The following DNAH9 variants were observed in gnomAD, a reference collection of about 807,000 sequenced individuals.
DNAH9 encodes the protein DNAH9 variant protein.
In DNAH9, 345 loss-of-function variants were observed where a neutral mutation model predicts 471.6. The observed-to-expected ratio is 0.73, with a 90% confidence interval of 0.67 to 0.80. DNAH9 has a LOEUF of 0.80. Ranked by LOEUF, DNAH9 falls within the 30% of genes least tolerant of loss-of-function variation. The pLI is 0.00. For missense variants in DNAH9, 5,407 were observed against 5,609.2 expected (o/e 0.96, Z 1.15); for synonymous variants, 2,093 against 2,123.6 (o/e 0.99, Z 0.40).
Position 11,937,649 on chromosome 17 carries a change from C to A in DNAH9, c.12660+127C>A. ...CAACACACAAAGCACCAACCACCTG[C>A]AGCCTGGAGATGCTTGCCTGTCACC... On this transcript the variant is annotated intron_variant, in intron 66 of 68. Coordinates refer to ENST00000262442, the MANE Select transcript of DNAH9 (RefSeq NM_001372.4). The surrounding 1 kb of genome is among the most constrained non-coding windows in gnomAD (Gnocchi z 4.1). 1 of 1,043,712 alleles carries A rather than the reference C, an allele frequency of 9.6e-7. No individual in the cohort carries two copies. The highest frequency in any genetic ancestry group is 1.3e-6 in the Non-Finnish European group (1 of 769,920). 64.7% of individuals were successfully genotyped at this position (1,043,712 alleles called of 1,614,324 possible).
chr17:11,823,030 C>T lies in DNAH9; in HGVS notation c.9242C>T (p.Ala3081Val). 1 of 1,611,324 alleles carries T rather than the reference C, an allele frequency of 6.2e-7. No homozygotes were observed. The highest frequency in any genetic ancestry group is 1.3e-5 in the African/African-American group (1 of 75,026). The change falls in exon 48 of 69, where the codon GCC (alanine) becomes GTC (valine). Residue 3081 changes from alanine (A) to valine (V), a missense_variant. Ala to Val is a moderately conservative substitution (Grantham distance 64). Transcript: ENST00000262442. The part of the protein sequence containing the change: ...NGLLKLHSTS[A>V]QVDDLKAKLA... ...CTGCTGAAGCTGCATAGCACCTCTG[C>T]CCAGGTGAGCAATGTCCCGCTCCTT... is the stretch of plus-strand genomic sequence containing the variant.
In DNAH9 at chr17:11,937,246, G is replaced by A; in HGVS notation, c.12490-106G>A. The A allele has an allele frequency of 2.2e-6, 3 of 1,365,244 alleles. No homozygotes were observed. The highest frequency in any genetic ancestry group is 3.0e-6 in the Non-Finnish European group (3 of 1,005,004). The allele number at this position is 1,365,244 out of a possible 1,614,324, so 84.6% of individuals were successfully genotyped here. On this transcript the variant is annotated intron_variant, in intron 65 of 68. Coordinates refer to ENST00000262442, the MANE Select transcript of DNAH9 (RefSeq NM_001372.4). This position sits in a 1 kb window ranked among gnomAD's most constrained non-coding sequence, Gnocchi z 4.1. ...CCAGGGATGGTGAGCAGTGTCCCCT[G>A]GAGGAGGGATACTAGCCCATGGACT... is the stretch of plus-strand genomic sequence containing the variant.
intron 8 of DNAH9, among the ~76,000 whole-genome samples, chr17:11,636,195 G>A (rs1251962240): frequency 1.3e-5 from 2 of 151,922 alleles, no homozygotes; most frequent in Non-Finnish European, 2.9e-5. Context: ...TAGTAGAGAC[G>A]GGGTTTCACC....
At chr17:11,886,410 G>T (rs1301945186) in intron 56 of DNAH9, among the ~76,000 whole-genome samples, 1 of 151,456 alleles carries the variant, frequency 6.6e-6, no homozygotes, top group African/African-American at 2.4e-5. Flanking sequence ...AATTACATAT[G>T]AACTATTTCA....
At chr17:11,675,266 T>G (rs2074031820) in intron 17 of DNAH9, among the ~76,000 whole-genome samples, 1 of 152,208 alleles carries the variant, frequency 6.6e-6, no homozygotes, top group African/African-American at 2.4e-5. Flanking sequence ...GAAATTGAAT[T>G]GATTTTGTAC....
chr17:11,836,479 G>A (rs1434183700), intron 49 of DNAH9, among the ~76,000 whole-genome samples: 6 of 152,156 alleles, frequency 3.9e-5, no homozygotes, highest in African/African-American at 1.2e-4. Flanking sequence ...AAAAACACAA[G>A]ATTTTTCCAT....
At chr17:11,854,577 A>C (rs1971556444) in intron 50 of DNAH9, 149 bp downstream of exon 50, 1 of 967,362 alleles carries the variant, frequency 1.0e-6, no homozygotes, top group Non-Finnish European at 1.5e-6. Context: ...CAGTAGAGGC[A>C]ACTTTTTACA....
intron 1 of DNAH9, among the ~76,000 whole-genome samples, chr17:11,604,933 A>G (rs58030044): frequency 8.3e-4 from 127 of 152,278 alleles, no homozygotes; most frequent in African/African-American, 3.0e-3. Context: ...ATCTCAGCCT[A>G]TGGCACTCCT....
chr17:11,612,134 C>A, intron 4 of DNAH9: 1 of 542,976 alleles, frequency 1.8e-6, no homozygotes, highest in South Asian at 2.2e-5. Context: ...CTGGAGCTGT[C>A]CCTTTGTGTC....
intron 42 of DNAH9, among the ~76,000 whole-genome samples, chr17:11,797,079 G>T: frequency 6.6e-6 from 1 of 152,138 alleles, no homozygotes; most frequent in South Asian, 2.1e-4. Flanking sequence ...GGCTAGTAGC[G>T]CATTCTTCAG....
chr17:11,732,248 T>TG (rs1329931443), intron 28 of DNAH9, among the ~76,000 whole-genome samples: 1 of 152,172 alleles, frequency 6.6e-6, no homozygotes, highest in African/African-American at 2.4e-5. Context: ...TAAGTTTAAC[T>TG]GGGGGGTCCC....
chr17:11,733,748 C>T lies in DNAH9; in HGVS notation c.5815-5132C>T, dbSNP rs1027883405. Among the ~76,000 whole-genome samples the T allele has an allele frequency of 2.5e-4, 38 of 150,296 alleles. No individual in the cohort carries two copies. The Admixed American group carries it at 2.5e-3, about 10-fold the overall frequency. On this transcript the variant is annotated intron_variant, in intron 28 of 68. Coordinates refer to ENST00000262442, the MANE Select transcript of DNAH9 (RefSeq NM_001372.4). ...TGGTGGGAGCCTGTAGTCCCAGCTA[C>T]TTGGGAGGCTGAGGCAGGGGAATGG...
At chr17:11,889,598 G>C (rs1221425498) in intron 57 of DNAH9, among the ~76,000 whole-genome samples, 1 of 152,242 alleles carries the variant, frequency 6.6e-6, no homozygotes, top group African/African-American at 2.4e-5. Context: ...TTGGTCTAGA[G>C]CGTTGCTCAT....
chr17:11,843,861 G>GTATA lies in DNAH9; in HGVS notation c.9507+8964_9507+8965insATAT, dbSNP rs1166364623. On this transcript the variant is annotated intron_variant, in intron 49 of 68. Transcript: ENST00000262442. ...TGTGTTTGTGTGTGTGTGTGTGTGT[G>GTATA]TGTATATATATATATATATATATAT... Among the ~76,000 whole-genome samples the GTATA allele has an allele frequency of 1.8e-4, 10 of 54,186 alleles. No individual in the cohort carries two copies. In the East Asian group the frequency reaches 2.2e-3, roughly 12 times the overall value. 35.5% of individuals were successfully genotyped at this position (54,186 alleles called of 152,430 possible).
At chr17:11,723,727 GCA>G (rs2150808162) in intron 27 of DNAH9, among the ~76,000 whole-genome samples, 1 of 152,066 alleles carries the variant, frequency 6.6e-6, no homozygotes, top group South Asian at 2.1e-4. Context: ...GAGTGCAGTG[GCA>G]CGATCTCAGC....
chr17:11,835,032 C>T, intron 49 of DNAH9, 134 bp downstream of exon 49: 1 of 1,215,726 alleles, frequency 8.2e-7, no homozygotes, highest in Non-Finnish European at 1.1e-6. Flanking sequence ...CTGATTTGCT[C>T]ATTAAGCAAG....
At chr17:11,719,175 TAA>T (rs2075012521) in intron 26 of DNAH9, among the ~76,000 whole-genome samples, 157 bp from the exon 27 acceptor site, 1 of 151,984 alleles carries the variant, frequency 6.6e-6, no homozygotes, top group Non-Finnish European at 1.5e-5. Flanking sequence ...GCTTGCCCGC[TAA>T]AGAGTCCTCC....
chr17:11,960,215 C>T (rs962926381), intron 67 of DNAH9, among the ~76,000 whole-genome samples: 3 of 152,012 alleles, frequency 2.0e-5, no homozygotes, highest in African/African-American at 7.2e-5. Flanking sequence ...GCGGGTGGAT[C>T]ACCTGAGGTC....
intron 14 of DNAH9, among the ~76,000 whole-genome samples, chr17:11,656,422 T>A (rs1433853363): frequency 2.6e-5 from 4 of 152,162 alleles, no homozygotes; most frequent in Admixed American, 6.6e-5. Context: ...TTTGTTCTTT[T>A]CTTGCTGATT....
Sources: allele counts gnomAD v4.1 joint callset (sites outside exome capture counted in the v4.1 genomes callset), GRCh38; gene constraint gnomAD v4.1.1; non-coding constraint Gnocchi (gnomAD v3.1); transcripts MANE v1.5; gene names NCBI Gene and HGNC (gene_info 2026-07-23, HGNC 2026-07-21).